LAMP2: variants seen among roughly 807,000 people sequenced by gnomAD.
LAMP2 encodes lysosome associated membrane protein 2.
Under a neutral mutation model 25.6 loss-of-function variants are expected in LAMP2, and 4 were observed. The observed-to-expected ratio is 0.16, with a 90% CI of 0.08 to 0.36. LAMP2 has a LOEUF of 0.36. Ranked by LOEUF, LAMP2 falls within the 10% of genes least tolerant of loss-of-function variation. The pLI is 1.00. For synonymous variants in LAMP2, 108 were observed against 112.7 expected (o/e 0.96, Z 0.27); for missense variants, 272 against 301.4 (o/e 0.90, Z 0.72).
At chrX:120,462,099 T>A (rs1211346184) in intron 1 of LAMP2, among the ~76,000 whole-genome samples, 1 of 111,499 alleles carries the variant, frequency 9.0e-6, no homozygotes, top group African/African-American at 3.3e-5. Flanking sequence ...TATTCTAGAG[T>A]GTGTAATTTT....
rs1409954585 is a variant in LAMP2 at position 120,460,953 on chromosome X, TCAAAAAAAAA to T, written c.65-4194_65-4185del. 2.7e-5 allele frequency among the ~76,000 whole-genome samples: 3 copies of T among 111,275 alleles called. No individual in the cohort carries two copies. In the East Asian group the frequency reaches 8.4e-4, roughly 31 times the overall value. ...TGGGCAACAAGAATGAAACTCTGTC[TCAAAAAAAAA>T]CAAAAACAAACAAACAAAAAAACTA... On this transcript the variant is annotated intron_variant, in intron 1 of 8. Transcript: ENST00000200639.
At chrX:120,435,839 A>T (rs2058540432) in intron 8 of LAMP2, among the ~76,000 whole-genome samples, 1 of 111,588 alleles carries the variant, frequency 9.0e-6, no homozygotes, top group South Asian at 3.7e-4. Flanking sequence ...TTCTTATGTG[A>T]TATAGTAAGG....
chrX:120,436,168 A>ACTCTCT (rs1459861912), intron 8 of LAMP2, among the ~76,000 whole-genome samples: 38 of 79,739 alleles, frequency 4.8e-4, no homozygotes, highest in African/African-American at 2.0e-3. Flanking sequence ...ACACACACAC[A>ACTCTCT]CACTCTCTCT....
At chrX:120,436,545 A>G in intron 8 of LAMP2, 1 of 732,080 alleles carries the variant, frequency 1.4e-6, no homozygotes, top group Admixed American at 8.6e-5. Flanking sequence ...ATTTTGAGCA[A>G]ACAGACAGGC....
intron 8 of LAMP2, chrX:120,436,385 A>T: frequency 2.3e-6 from 1 of 429,755 alleles, no homozygotes; most frequent in Non-Finnish European, 2.9e-6. Flanking sequence ...TTTTGCAAAT[A>T]ATTCAGTTCT....
chrX:120,431,439 C>A lies in LAMP2; in HGVS notation c.1117G>T (p.Asp373Tyr), dbSNP rs727503117. The change falls in exon 9 of 9, where the codon GAC (aspartate) becomes TAC (tyrosine). Residue 373 changes from aspartate (D) to tyrosine (Y), a missense_variant. By Grantham distance (160) the Asp-to-Tyr change is radical. Coordinates refer to ENST00000200639, the MANE Select transcript of LAMP2 (RefSeq NM_002294.3). ...ACCGCTATGGGCACAAGGAAGTTGT[C>A]GTCATCTGCACTGCAGTCTTGAGCT... is the stretch of plus-strand genomic sequence containing the variant. ...STAQDCSADD[D>Y]NFLVPIAVGA... The A allele has an allele frequency of 2.5e-6, 3 of 1,210,123 alleles. No individual in the cohort carries two copies. The highest frequency in any genetic ancestry group is 3.4e-6 in the Non-Finnish European group (3 of 893,999).
In LAMP2 at chrX:120,428,979, C is replaced by A. The variant is rs752409883; in HGVS notation, c.*2344G>T. The stretch of plus-strand genomic sequence containing the variant: ...TGTATTTCCCTACTCTCTTTCTCTT[C>A]GTCACACCTATAATTAAAGTATAAA... On this transcript the variant is annotated 3_prime_UTR_variant, in exon 9 of 9. Transcript: ENST00000200639. 4 of 677,630 alleles carry A rather than the reference C, an allele frequency of 5.9e-6. No homozygotes were observed. The highest frequency in any genetic ancestry group is 9.2e-5 in the Admixed American group (1 of 10,852). The allele number at this position is 677,630 out of a possible 1,213,427, so 55.8% of individuals were successfully genotyped here. A position where few individuals can be genotyped will look rare whatever the true frequency, so the allele number is the denominator to read the frequency against.
At position 120,441,743 on chromosome X, in the gene LAMP2, T is replaced by C. The variant is rs1476303419; in HGVS notation, c.1080A>G (p.Gly360=). ...LRVQPFNVTQ[G]KYSTAQDCSA... ...CTTGATTCTTACCTGTAGAATACTT[T>C]CCTTGTGTCACATTGAAAGGCTGAA... Residue 360 remains glycine (G), a synonymous_variant, in exon 8 of 9, where the codon GGA becomes GGG. Transcript: ENST00000200639. 3 of 1,205,541 alleles carry C rather than the reference T, an allele frequency of 2.5e-6. No homozygotes were observed. Among genetic ancestry groups the C allele is most frequent in the African/African-American group, 3.5e-5 (2 of 57,174 alleles).
chrX:120,438,851 G>A lies in LAMP2; in HGVS notation c.1093+2879C>T, dbSNP rs754357697. Reference sequence around the variant, plus strand: ...GTTTTTTCTAAACGGTGTATTTTTAGTCTGAATGTCTAAAATGAAAACACT... The same window carrying A: ...GTTTTTTCTAAACGGTGTATTTTTAATCTGAATGTCTAAAATGAAAACACT... On this transcript the variant is annotated intron_variant, in intron 8 of 8. Transcript: ENST00000200639. 8.2e-6 allele frequency: 7 copies of A among 849,203 alleles called. No individual in the cohort carries two copies. The South Asian group carries it at 3.1e-4, about 38-fold the overall frequency. 70.0% of individuals were successfully genotyped at this position (849,203 alleles called of 1,213,427 possible). A position where few individuals can be genotyped will look rare whatever the true frequency, so the allele number is the denominator to read the frequency against.
intron 3 of LAMP2, among the ~76,000 whole-genome samples, chrX:120,452,713 C>CT (rs768340777): frequency 0.062 from 4,209 of 67,634 alleles, 306 homozygotes; most frequent in African/African-American, 0.15. Context: ...CCACACCTGG[C>CT]TTTTTTTTTT....
chrX:120,458,026 AAT>A (rs1170083783), intron 1 of LAMP2, among the ~76,000 whole-genome samples: 1 of 112,043 alleles, frequency 8.9e-6, no homozygotes, highest in Admixed American at 9.5e-5. Flanking sequence ...ACAGTGACTA[AAT>A]GCATTGGCTA....
intron 5 of LAMP2, among the ~76,000 whole-genome samples, chrX:120,446,846 G>A (rs1056827207): frequency 8.9e-6 from 1 of 111,794 alleles, no homozygotes; most frequent in Non-Finnish European, 1.9e-5. Context: ...CTGGAGAAAC[G>A]GATAGCTGTG....
intron 1 of LAMP2, among the ~76,000 whole-genome samples, chrX:120,461,528 A>G (rs886980435): frequency 1.1e-5 from 1 of 94,306 alleles, no homozygotes; most frequent in Non-Finnish European, 2.3e-5. Flanking sequence ...ATATATGGAT[A>G]GATTCAAGAT....
rs111703410 is a variant in LAMP2 at position 120,446,396 on chromosome X, G to A, written c.773C>T (p.Thr258Ile). 1.2e-5 allele frequency: 14 copies of A among 1,205,414 alleles called. No individual in the cohort carries two copies. The African/African-American group carries it at 1.4e-4, about 12-fold the overall frequency. Residue 258 changes from threonine (T) to isoleucine (I), a missense_variant, in exon 6 of 9, where the codon ACA becomes ATA. Thr to Ile is a moderately conservative substitution (Grantham distance 89, BLOSUM62 -1). Coordinates refer to ENST00000200639, the MANE Select transcript of LAMP2 (RefSeq NM_002294.3). ...VASVININPNTTHSTGSCRSH... is the reference protein window; with the variant it reads ...VASVININPNITHSTGSCRSH... ...ACGGCAGCTGCCTGTGGAGTGAGTT[G>A]TATTGGGGTTGATGTTAATAACTGA...
chrX:120,428,553 A>G lies in LAMP2; in HGVS notation c.*2770T>C. ...TATAAGAGATAAAGACAACAATTAT[A>G]AGGAAGCCCAAGGCCACACCCACTG... On this transcript the variant is annotated 3_prime_UTR_variant, in exon 9 of 9. Transcript: ENST00000200639. The G allele has an allele frequency of 8.3e-7, 1 of 1,200,645 alleles. No individual in the cohort carries two copies. Among genetic ancestry groups the G allele is most frequent in the Non-Finnish European group, 1.1e-6 (1 of 890,438 alleles).
intron 1 of LAMP2, among the ~76,000 whole-genome samples, chrX:120,464,754 GTTTT>G (rs1921464608): frequency 9.0e-6 from 1 of 111,277 alleles, no homozygotes; most frequent in Non-Finnish European, 1.9e-5. Flanking sequence ...TAGTGTTTTT[GTTTT>G]GTTTTGTTTT....
chrX:120,441,647 C>G, intron 8 of LAMP2, 83 bp downstream of exon 8: 1 of 815,118 alleles, frequency 1.2e-6, no homozygotes, highest in Non-Finnish European at 1.8e-6. Context: ...TCTATTTCAA[C>G]GTTTAAATGT....
At chrX:120,436,495 T>C in intron 8 of LAMP2, 2 of 740,094 alleles carry the variant, frequency 2.7e-6, no homozygotes. Context: ...GTAAGCAAAT[T>C]GCCTTAAGAA....
rs975551192 is a variant in LAMP2 at position 120,426,355 on chromosome X, A to G, written c.*4968T>C. Among the ~76,000 whole-genome samples the G allele has an allele frequency of 2.8e-5, 3 of 108,292 alleles. No homozygotes were observed. Among genetic ancestry groups the G allele is most frequent in the Non-Finnish European group, 3.8e-5 (2 of 52,229 alleles). The allele number at this position is 108,292 out of a possible 115,157, so 94.0% of individuals were successfully genotyped here. A position where few individuals can be genotyped will look rare whatever the true frequency, so the allele number is the denominator to read the frequency against. On this transcript the variant is annotated 3_prime_UTR_variant, in exon 9 of 9. Transcript: ENST00000200639. ...AACAATTGTTTACATTCACCAGTTC[A>G]AAGTCGTACTGTCTGATCCACTGTT...
Sources: gnomAD v4.1 joint callset for allele counts (sites outside exome capture counted in the v4.1 genomes callset) on GRCh38, gnomAD v4.1.1 for gene constraint, MANE v1.5 for transcripts, NCBI Gene and HGNC (gene_info 2026-07-23, HGNC 2026-07-21) for gene names.